Variants in DLG2 observed in about 807,000 individuals in gnomAD.
The protein encoded by DLG2 is disks large homolog 2.
DLG2 carries 45 observed loss-of-function variants against 132.5 expected under a neutral mutation model. The ratio of observed to expected loss-of-function variants is 0.34; its 90% confidence interval spans 0.27 to 0.44. The LOEUF (loss-of-function observed/expected upper bound fraction) is 0.44. DLG2 is among the 20% of genes least tolerant of loss of function. The pLI, the probability that DLG2 is intolerant of heterozygous loss-of-function variation, is 1.00. For synonymous variants in DLG2, 424 were observed against 419.6 expected (o/e 1.01, Z -0.13); for missense variants, 1,045 against 1,196.9 (o/e 0.87, Z 1.87).
chr11:85,561,664 G>A (rs2077254361), intron 3 of DLG2, among the ~76,000 whole-genome samples: 1 of 151,716 alleles, frequency 6.6e-6, no homozygotes, highest in Non-Finnish European at 1.5e-5. Flanking sequence ...GTTTTAGCAA[G>A]CATGGTTCTA....
intron 20 of DLG2, among the ~76,000 whole-genome samples, chr11:83,539,753 C>T (rs2096005893): frequency 6.6e-6 from 1 of 151,800 alleles, no homozygotes; most frequent in Non-Finnish European, 1.5e-5. Context: ...ACTTATTTTC[C>T]AGGTCAGCTA....
chr11:83,643,081 G>A (rs2067049718), intron 18 of DLG2, among the ~76,000 whole-genome samples: 1 of 152,166 alleles, frequency 6.6e-6, no homozygotes, highest in South Asian at 2.1e-4. Context: ...AAGATCAAAT[G>A]AAGAAACAGA....
intron 7 of DLG2, among the ~76,000 whole-genome samples, chr11:84,412,782 G>C (rs780890301): frequency 1.3e-5 from 2 of 152,110 alleles, no homozygotes; most frequent in African/African-American, 2.4e-5. Context: ...CCAGTTCCCA[G>C]AATAGAGTTT....
chr11:85,231,899 A>C (rs993443365), intron 4 of DLG2, among the ~76,000 whole-genome samples: 1 of 151,888 alleles, frequency 6.6e-6, no homozygotes, highest in African/African-American at 2.4e-5. Context: ...GTAGCTCACA[A>C]ATATTTAGTT....
chr11:83,819,745 C>T (rs1039949181), intron 17 of DLG2, among the ~76,000 whole-genome samples: 3 of 151,966 alleles, frequency 2.0e-5, no homozygotes, highest in African/African-American at 7.2e-5. Flanking sequence ...AACAAGAAAT[C>T]AAATTATAAG....
At chr11:83,825,557 C>T (rs2052479954) in intron 17 of DLG2, among the ~76,000 whole-genome samples, 1 of 152,006 alleles carries the variant, frequency 6.6e-6, no homozygotes, top group African/African-American at 2.4e-5. Context: ...TTAAGTGACG[C>T]TTGGGGCAAT....
intron 6 of DLG2, among the ~76,000 whole-genome samples, chr11:84,970,347 C>A (rs999817711): frequency 1.4e-4 from 21 of 152,160 alleles, no homozygotes; most frequent in Non-Finnish European, 7.3e-5. Flanking sequence ...GATACATCTA[C>A]AGATGCTCAA....
chr11:83,866,412 A>G lies in DLG2; in HGVS notation c.1565+8008T>C, dbSNP rs138960236. Among the ~76,000 whole-genome samples, 6 of 152,254 alleles carry G rather than the reference A, an allele frequency of 3.9e-5. No individual in the cohort carries two copies. The East Asian group carries it at 1.2e-3, about 29-fold the overall frequency. Reference sequence around the variant, plus strand: ...GTTCTGGTTTTCATTTTCATAACAGACTTATGACTGGGTGCTTTTTTGCTC... The same window carrying G: ...GTTCTGGTTTTCATTTTCATAACAGGCTTATGACTGGGTGCTTTTTTGCTC... On this transcript the variant is annotated intron_variant, in intron 16 of 27. Transcript: ENST00000376104.
intron 6 of DLG2, among the ~76,000 whole-genome samples, chr11:84,641,456 T>C (rs529005613): frequency 2.0e-5 from 3 of 152,278 alleles, no homozygotes; most frequent in African/African-American, 7.2e-5. Context: ...TTCTCAAAGA[T>C]TCCCCTTCCT....
At chr11:83,963,400 G>A (rs2089363167) in intron 13 of DLG2, among the ~76,000 whole-genome samples, 1 of 151,952 alleles carries the variant, frequency 6.6e-6, no homozygotes, top group South Asian at 2.1e-4. Flanking sequence ...CAATTACTGA[G>A]AGTAAAAGCC....
chr11:84,553,154 GTC>G (rs1269788016), intron 6 of DLG2, among the ~76,000 whole-genome samples: 2 of 152,020 alleles, frequency 1.3e-5, no homozygotes, highest in African/African-American at 4.8e-5. Context: ...CTTTTCCACA[GTC>G]TCTCCTAATC....
intron 6 of DLG2, among the ~76,000 whole-genome samples, chr11:84,968,673 G>C (rs1338931844): frequency 1.3e-5 from 2 of 152,118 alleles, no homozygotes; most frequent in Non-Finnish European, 2.9e-5. Flanking sequence ...ATGTTAAAAT[G>C]TTTGAAAGTA....
intron 6 of DLG2, among the ~76,000 whole-genome samples, chr11:84,651,853 T>C (rs1482423838): frequency 6.6e-6 from 1 of 152,178 alleles, no homozygotes; most frequent in Non-Finnish European, 1.5e-5. Context: ...AGCATCAAAC[T>C]TTTTCATATA....
At chr11:84,854,278 C>T (rs574054814) in intron 6 of DLG2, among the ~76,000 whole-genome samples, 1 of 150,870 alleles carries the variant, frequency 6.6e-6, no homozygotes, top group East Asian at 1.9e-4. Context: ...ACAAGTAGAA[C>T]AAAAGTGTAT....
intron 7 of DLG2, among the ~76,000 whole-genome samples, chr11:84,517,846 C>T (rs2099278420): frequency 6.6e-6 from 1 of 151,784 alleles, no homozygotes; most frequent in South Asian, 2.1e-4. Context: ...CTGTCATTTG[C>T]CACAACATGG....
intron 8 of DLG2, among the ~76,000 whole-genome samples, chr11:84,227,022 AT>A (rs1306039123): frequency 1.3e-5 from 2 of 151,936 alleles, no homozygotes; most frequent in African/African-American, 4.8e-5. Context: ...GGAGTCGGAG[AT>A]TGCAGTGAGC....
chr11:85,298,815 A>G (rs973102504), intron 3 of DLG2, among the ~76,000 whole-genome samples: 7 of 152,134 alleles, frequency 4.6e-5, no homozygotes, highest in Non-Finnish European at 8.8e-5. Context: ...TCTTGTTCCC[A>G]GGAGATACAC....
intron 4 of DLG2, among the ~76,000 whole-genome samples, chr11:85,178,501 A>G (rs1208306324): frequency 6.6e-6 from 1 of 152,018 alleles, no homozygotes; most frequent in Non-Finnish European, 1.5e-5. Context: ...TACTAAAACT[A>G]TAGCAAAATT....
chr11:85,542,555 T>C (rs1266381811), intron 3 of DLG2, among the ~76,000 whole-genome samples: 1 of 152,214 alleles, frequency 6.6e-6, no homozygotes, highest in Non-Finnish European at 1.5e-5. Context: ...TTTTTTCCTT[T>C]TAAAGTTTGC....
Sources: allele counts gnomAD v4.1 joint callset (sites outside exome capture counted in the v4.1 genomes callset), GRCh38; gene constraint gnomAD v4.1.1; transcripts MANE v1.5; gene names NCBI Gene and HGNC (gene_info 2026-07-23, HGNC 2026-07-21).